The following MCPH1 variants were observed in gnomAD, a reference collection of about 807,000 sequenced individuals.
The protein encoded by MCPH1 is microcephalin 1, also known as microcephalin.
In MCPH1, 104 loss-of-function variants were observed where a neutral mutation model predicts 84.5. That is an observed-to-expected ratio of 1.23 (90% confidence interval 1.05 to 1.45). The LOEUF (loss-of-function observed/expected upper bound fraction) is 1.45. MCPH1 is among the 40% of genes most tolerant of loss of function. The probability of loss-of-function intolerance (pLI) is 0.00; values close to 1 mark genes in which losing one functional copy is unlikely to be tolerated. For synonymous variants in MCPH1, 514 were observed against 366.8 expected, an observed-to-expected ratio of 1.40 and a Z score of -4.58; for missense variants, 1,498 against 1,005.7, an observed-to-expected ratio of 1.49 and a Z score of -6.62.
At chr8:6,631,830 T>C (rs1797184547) in intron 13 of MCPH1, among the ~76,000 whole-genome samples, 1 of 152,230 alleles carries the variant, frequency 6.6e-6, no homozygotes, top group African/African-American at 2.4e-5. Context: ...ACAATTCCTC[T>C]TCTGGGTATA....
intron 12 of MCPH1, among the ~76,000 whole-genome samples, chr8:6,551,325 A>C (rs770641595): frequency 1.3e-5 from 2 of 152,204 alleles, no homozygotes; most frequent in African/African-American, 4.8e-5. Flanking sequence ...TGTGCCATCA[A>C]TTAATTCTAT....
At chr8:6,625,948 T>C in intron 13 of MCPH1, 1 of 985,064 alleles carries the variant, frequency 1.0e-6, no homozygotes, top group Non-Finnish European at 1.2e-6. Flanking sequence ...CTTTCTTTAT[T>C]ATTATTAGTA....
chr8:6,422,751 C>A (rs374711860), intron 3 of MCPH1, among the ~76,000 whole-genome samples: 1 of 152,142 alleles, frequency 6.6e-6, no homozygotes, highest in Non-Finnish European at 1.5e-5. Flanking sequence ...TGCAGTGGTG[C>A]GATCTCGGCT....
At chr8:6,428,251 A>G (rs1801346944) in intron 3 of MCPH1, among the ~76,000 whole-genome samples, 1 of 73,008 alleles carries the variant, frequency 1.4e-5, no homozygotes, top group African/African-American at 3.2e-5. Flanking sequence ...TTTAATTTTT[A>G]CTTTTAAACT....
intron 4 of MCPH1, among the ~76,000 whole-genome samples, chr8:6,434,516 A>C (rs1802356746): frequency 6.6e-6 from 1 of 152,162 alleles, no homozygotes; most frequent in Non-Finnish European, 1.5e-5. Context: ...TGAACCTCCC[A>C]AGACACATAC....
At chr8:6,640,701 C>G (rs943726145) in intron 13 of MCPH1, among the ~76,000 whole-genome samples, 1 of 152,106 alleles carries the variant, frequency 6.6e-6, no homozygotes, top group Admixed American at 6.6e-5. Context: ...AATTAAACAC[C>G]TCTTTTCCTC....
intron 2 of MCPH1, among the ~76,000 whole-genome samples, 186 bp from the exon 3 acceptor site, chr8:6,414,579 C>G (rs544482734): frequency 1.3e-5 from 2 of 152,220 alleles, no homozygotes; most frequent in South Asian, 2.1e-4. Context: ...TAGATGTGAA[C>G]TTGTGTGTAT....
intron 13 of MCPH1, among the ~76,000 whole-genome samples, chr8:6,630,564 T>G (rs1334753920): frequency 1.3e-5 from 2 of 152,122 alleles, no homozygotes; most frequent in East Asian, 1.9e-4. Flanking sequence ...GACAGATCAC[T>G]TGAGGTCAGG....
intron 12 of MCPH1, among the ~76,000 whole-genome samples, chr8:6,597,529 G>A (rs546849738): frequency 2.6e-5 from 4 of 152,226 alleles, no homozygotes; most frequent in South Asian, 2.1e-4. Context: ...CCAGGAACCC[G>A]GAGCCCTCTC....
At chr8:6,508,623 C>G (rs1814279050) in intron 12 of MCPH1, 2 of 500,144 alleles carry the variant, frequency 4.0e-6, no homozygotes, top group Non-Finnish European at 3.5e-6. Context: ...ATTAAACCAT[C>G]TCTCTAGTAT....
chr8:6,414,958 C>G (rs893890005), intron 3 of MCPH1, 75 bp downstream of exon 3: 12 of 1,475,764 alleles, frequency 8.1e-6, no homozygotes, highest in South Asian at 8.1e-5. Context: ...TTTCACAGAT[C>G]GCAGAACCAG....
chr8:6,480,265 C>T (rs1361409557), intron 10 of MCPH1, among the ~76,000 whole-genome samples: 2 of 152,118 alleles, frequency 1.3e-5, no homozygotes, highest in African/African-American at 2.4e-5. Flanking sequence ...GCTGGAACAA[C>T]AGGCGCGTGC....
At chr8:6,452,865 A>G (rs1173867962) in intron 8 of MCPH1, among the ~76,000 whole-genome samples, 2 of 152,230 alleles carry the variant, frequency 1.3e-5, no homozygotes, top group East Asian at 1.9e-4. Context: ...CATTCATCCA[A>G]CTGGGGTGTG....
intron 4 of MCPH1, 71 bp from the exon 5 acceptor site, chr8:6,435,977 T>C (rs1802583459): frequency 6.3e-7 from 1 of 1,579,034 alleles, no homozygotes. Context: ...CAGAAATGTA[T>C]GCGAAAGGGC....
In MCPH1 at chr8:6,586,449, G is replaced by T. The variant is rs188669273; in HGVS notation, c.2215-35005G>T. Among the ~76,000 whole-genome samples the T allele has an allele frequency of 5.3e-5, 8 of 152,334 alleles. No individual in the cohort carries two copies. The East Asian group carries it at 1.5e-3, about 29-fold the overall frequency. ...CCACGCTTCCCTGTGACTAGCCTCT[G>T]TGGTCAAAGGTGCTTGCTGATGCAG... On this transcript the variant is annotated intron_variant, in intron 12 of 13. Coordinates refer to ENST00000344683, the MANE Select transcript of MCPH1 (RefSeq NM_024596.5).
At chr8:6,439,682 G>T (rs901237830) in intron 6 of MCPH1, among the ~76,000 whole-genome samples, 1 of 152,100 alleles carries the variant, frequency 6.6e-6, no homozygotes, top group Non-Finnish European at 1.5e-5. Flanking sequence ...TAATCCAGGC[G>T]TGAGCCACCG....
chr8:6,513,555 A>C (rs2442629), intron 12 of MCPH1: 63 of 626,588 alleles, frequency 1.0e-4, no homozygotes, highest in African/African-American at 9.7e-4. Context: ...GGATGGTCTC[A>C]ATCTCCTGAC....
intron 12 of MCPH1, among the ~76,000 whole-genome samples, chr8:6,594,364 G>A (rs1014013843): frequency 5.9e-5 from 9 of 152,238 alleles, no homozygotes; most frequent in Admixed American, 2.6e-4. Context: ...GAATTTTACT[G>A]GAGTTTTCAC....
At chr8:6,464,457 A>G (rs1806631376) in intron 9 of MCPH1, among the ~76,000 whole-genome samples, 2 of 152,232 alleles carry the variant, frequency 1.3e-5, no homozygotes, top group Admixed American at 1.3e-4. Flanking sequence ...AAAGAACTCC[A>G]TCTTTTTAAA....
Sources: gnomAD v4.1 joint callset for allele counts (sites outside exome capture counted in the v4.1 genomes callset) on GRCh38, gnomAD v4.1.1 for gene constraint, MANE v1.5 for transcripts, NCBI Gene and HGNC (gene_info 2026-07-23, HGNC 2026-07-21) for gene names.